TPX2: variants seen among roughly 807,000 people sequenced by gnomAD.
The protein encoded by TPX2 is targeting protein for Xklp2.
TPX2 carries 21 observed loss-of-function variants against 93.6 expected under a neutral mutation model. The ratio of observed to expected loss-of-function variants is 0.22; its 90% confidence interval spans 0.16 to 0.32. TPX2 has a LOEUF of 0.32. Ranked by LOEUF, TPX2 falls within the 10% of genes least tolerant of loss-of-function variation. The pLI, the probability that TPX2 is intolerant of heterozygous loss-of-function variation, is 1.00. For missense variants in TPX2, 776 were observed against 871.1 expected (o/e 0.89, Z 1.37); for synonymous variants, 281 against 298.3 (o/e 0.94, Z 0.60).
chr20:31,797,137 GAAAA>G (rs920943569), intron 15 of TPX2, among the ~76,000 whole-genome samples: 1 of 144,754 alleles, frequency 6.9e-6, no homozygotes, highest in Non-Finnish European at 1.5e-5. Flanking sequence ...AAACTAAAAA[GAAAA>G]AAAAAAGTAA....
intron 10 of TPX2, among the ~76,000 whole-genome samples, chr20:31,781,279 CAG>C (rs1396224907): frequency 1.8e-5 from 2 of 109,558 alleles, no homozygotes; most frequent in Admixed American, 9.8e-5. Context: ...TTTTTTGAGA[CAG>C]AGTCTCGCTC....
chr20:31,771,426 AATC>A (rs1237735463), intron 6 of TPX2, 131 bp from the exon 7 acceptor site: 2 of 1,140,812 alleles, frequency 1.8e-6, no homozygotes, highest in African/African-American at 3.2e-5. Flanking sequence ...CTGTTGGAAG[AATC>A]ATGTGGTCGA....
intron 5 of TPX2, among the ~76,000 whole-genome samples, chr20:31,769,777 C>T (rs1458458799): frequency 6.6e-6 from 1 of 151,974 alleles, no homozygotes; most frequent in African/African-American, 2.4e-5. Context: ...TGTCATTATG[C>T]TCTTTGTTTT....
chr20:31,781,491 T>C (rs1319763957), intron 10 of TPX2, among the ~76,000 whole-genome samples: 3 of 151,816 alleles, frequency 2.0e-5, no homozygotes, highest in African/African-American at 7.3e-5. Context: ...GGTCTCGATC[T>C]CCTGACCTCG....
intron 3 of TPX2, 108 bp downstream of exon 3, chr20:31,757,690 C>CT: frequency 1.3e-6 from 1 of 757,760 alleles, no homozygotes. Flanking sequence ...ATATCAACTT[C>CT]TTTCTGCACC....
chr20:31,786,406 T>TC (rs2062066762), intron 12 of TPX2, among the ~76,000 whole-genome samples: 1 of 142,746 alleles, frequency 7.0e-6, no homozygotes. Flanking sequence ...TACTGTTTTT[T>TC]TTTTTTTTTG....
At chr20:31,794,750 C>T (rs992534170) in intron 15 of TPX2, among the ~76,000 whole-genome samples, 8 of 143,558 alleles carry the variant, frequency 5.6e-5, no homozygotes, top group Admixed American at 7.0e-5. Context: ...TGGTCTCTGT[C>T]GCATAGTGTG....
At chr20:31,784,414 C>T (rs148678385) in intron 12 of TPX2, among the ~76,000 whole-genome samples, 30 of 152,180 alleles carry the variant, frequency 2.0e-4, no homozygotes, top group African/African-American at 7.0e-4. Flanking sequence ...ATGAGGTAAC[C>T]GAGGCACACA....
At chr20:31,791,761 C>T (rs1188785951) in intron 12 of TPX2, among the ~76,000 whole-genome samples, 1 of 152,118 alleles carries the variant, frequency 6.6e-6, no homozygotes, top group Non-Finnish European at 1.5e-5. Flanking sequence ...TAGGGAAGAG[C>T]AGAATAGAGA....
chr20:31,794,601 A>G (rs1193561923), intron 15 of TPX2, 53 bp downstream of exon 15: 11 of 1,596,448 alleles, frequency 6.9e-6, no homozygotes, highest in South Asian at 6.8e-5. Context: ...GGTTGATTGT[A>G]CAGGCAGACC....
At chr20:31,770,615 A>C in intron 6 of TPX2, 144 bp downstream of exon 6, 1 of 770,132 alleles carries the variant, frequency 1.3e-6, no homozygotes, top group Non-Finnish European at 1.9e-6. Flanking sequence ...GGTGTACCTC[A>C]AGCTTGAGAA....
At chr20:31,776,835 C>T (rs1466269987) in intron 8 of TPX2, among the ~76,000 whole-genome samples, 1 of 152,082 alleles carries the variant, frequency 6.6e-6, no homozygotes, top group Non-Finnish European at 1.5e-5. Context: ...CTCACTGGTA[C>T]TTTCTTAAAA....
chr20:31,775,178 C>T lies in TPX2; in HGVS notation c.609-689C>T, dbSNP rs138587687. Among the ~76,000 whole-genome samples, 77 of 151,920 alleles carry T rather than the reference C, an allele frequency of 5.1e-4. No homozygotes were observed. The East Asian group carries it at 0.014, about 28-fold the overall frequency. On this transcript the variant is annotated intron_variant, in intron 7 of 17. Transcript: ENST00000300403. ...TTCACCATGTTGGCCAGGTTGGTCT[C>T]GAACTCCTGACCTCAGGTCATCCAC...
chr20:31,759,902 T>C (rs1159121617), intron 3 of TPX2, among the ~76,000 whole-genome samples, 155 bp from the exon 4 acceptor site: 1 of 151,992 alleles, frequency 6.6e-6, no homozygotes, highest in African/African-American at 2.4e-5. Flanking sequence ...ATGTGTAATG[T>C]GTACTTTTTC....
chr20:31,766,097 G>A (rs1336192623), intron 4 of TPX2, among the ~76,000 whole-genome samples: 1 of 152,098 alleles, frequency 6.6e-6, no homozygotes, highest in Non-Finnish European at 1.5e-5. Context: ...ACAATTGAAA[G>A]TTTATCTTAA....
chr20:31,776,506 A>G (rs2062000557), intron 8 of TPX2, among the ~76,000 whole-genome samples: 1 of 151,992 alleles, frequency 6.6e-6, no homozygotes. Context: ...ATTGGTACTT[A>G]AATATATCGG....
intron 11 of TPX2, among the ~76,000 whole-genome samples, 167 bp from the exon 12 acceptor site, chr20:31,783,538 A>T (rs1029026437): frequency 6.6e-4 from 101 of 152,182 alleles, no homozygotes; most frequent in African/African-American, 2.4e-3. Context: ...GGCATGAGCC[A>T]CCGTGCCTGG....
At chr20:31,780,317 G>T (rs1347999390) in intron 10 of TPX2, among the ~76,000 whole-genome samples, 1 of 152,144 alleles carries the variant, frequency 6.6e-6, no homozygotes, top group African/African-American at 2.4e-5. Context: ...CTCCCAAAGT[G>T]CTGTGATTAC....
In TPX2 at chr20:31,782,397, C is replaced by T. The variant is rs900322543; in HGVS notation, c.1196+7C>T. The T allele has an allele frequency of 1.9e-6, 3 of 1,604,794 alleles. No homozygotes were observed. The highest frequency in any genetic ancestry group is 2.2e-5 in the South Asian group (2 of 89,680). Reference sequence around the variant, plus strand: ...AGCTCGAGAAATTGCAACAGTAAGTCCCACTGGCAGTATCTGAGGAAGAGT... The same window carrying T: ...AGCTCGAGAAATTGCAACAGTAAGTTCCACTGGCAGTATCTGAGGAAGAGT... On this transcript the variant is annotated splice_region_variant and intron_variant, in intron 11 of 17. Coordinates refer to ENST00000300403, the MANE Select transcript of TPX2 (RefSeq NM_012112.5).
Sources: gnomAD v4.1 joint callset for allele counts (sites outside exome capture counted in the v4.1 genomes callset) on GRCh38, gnomAD v4.1.1 for gene constraint, MANE v1.5 for transcripts, NCBI Gene and HGNC (gene_info 2026-07-23, HGNC 2026-07-21) for gene names.